Variants in USH1C observed in about 807,000 individuals in gnomAD.
The protein encoded by USH1C is USH1 protein network component harmonin.
USH1C carries 90 observed loss-of-function variants against 119.3 expected under a neutral mutation model. The observed-to-expected ratio is 0.75, with a 90% CI of 0.64 to 0.90. The LOEUF (loss-of-function observed/expected upper bound fraction) is 0.90. Ranked by LOEUF, USH1C falls within the 40% of genes least tolerant of loss-of-function variation. The pLI, the probability that USH1C is intolerant of heterozygous loss-of-function variation, is 0.00. For synonymous variants in USH1C, 465 were observed against 443.3 expected, an observed-to-expected ratio of 1.05 and a Z score of -0.62; for missense variants, 1,165 against 1,167.7, an observed-to-expected ratio of 1.00 and a Z score of 0.03.
chr11:17,512,019 G>C lies in USH1C; in HGVS notation c.1296C>G (p.Ser432Arg), dbSNP rs765926850. Residue 432 changes from serine (S) to arginine (R), a missense_variant, in exon 16 of 27, where the codon AGC (serine) becomes AGG (arginine). By Grantham distance (110) the Ser-to-Arg change is moderately radical (BLOSUM62 -1). Transcript: ENST00000005226. Reference protein sequence around the residue: ...GKDKKKAKYGSLQDLRKNKKE... With the variant: ...GKDKKKAKYGRLQDLRKNKKE... ...TCTTATTCTTTCTCAAGTCCTGCAG[G>C]CTGCCATACTTGGCTTTCTTCTTAT... 6.2e-7 allele frequency: 1 copy of C among 1,614,162 alleles called. No individual in the cohort carries two copies. The highest frequency in any genetic ancestry group is 1.7e-5 in the Admixed American group (1 of 60,014).
At chr11:17,502,111 G>A in intron 20 of USH1C, 131 bp from the exon 21 acceptor site, 1 of 891,246 alleles carries the variant, frequency 1.1e-6, no homozygotes. Flanking sequence ...GGCACGGCCA[G>A]GGTACGGGAT....
chr11:17,533,363 A>ACCCCCC, intron 1 of USH1C, 41 bp from the exon 2 acceptor site: 1 of 1,370,282 alleles, frequency 7.3e-7, no homozygotes. Flanking sequence ...CAGGCTCAGC[A>ACCCCCC]CCCGCCCCCA....
intron 1 of USH1C, among the ~76,000 whole-genome samples, chr11:17,536,487 C>T (rs554535734): frequency 9.2e-5 from 14 of 152,194 alleles, no homozygotes; most frequent in Non-Finnish European, 1.2e-4. Flanking sequence ...GCACAGATCA[C>T]TTGGAGATGG....
At chr11:17,529,297 GA>G (rs201098870) in intron 4 of USH1C, among the ~76,000 whole-genome samples, 1 of 150,888 alleles carries the variant, frequency 6.6e-6, no homozygotes, top group Non-Finnish European at 1.5e-5. Context: ...TATTCTTGGG[GA>G]AAAAAAAACA....
At chr11:17,508,068 G>A (rs1297748837) in intron 18 of USH1C, among the ~76,000 whole-genome samples, 1 of 152,204 alleles carries the variant, frequency 6.6e-6, no homozygotes, top group Non-Finnish European at 1.5e-5. Context: ...GAGGCCCCAG[G>A]CAGGTACTCA....
Position 17,501,480 on chromosome 11 carries a change from A to G in USH1C, c.2280+2T>C, listed in dbSNP as rs1554954681. On this transcript the variant is annotated splice_donor_variant, in intron 22 of 26. Transcript: ENST00000005226. LOFTEE classifies it high-confidence loss of function. ...CCCACCGGCCTCCACATGCCCAGGTACCTTCTTGATGCGTAGGAGCCGGAC... is the reference window on the plus strand; with the variant it reads ...CCCACCGGCCTCCACATGCCCAGGTGCCTTCTTGATGCGTAGGAGCCGGAC... 2 of 1,612,884 alleles carry G rather than the reference A, an allele frequency of 1.2e-6. No homozygotes were observed. The highest frequency in any genetic ancestry group is 1.1e-5 in the South Asian group (1 of 90,692).
chr11:17,526,727 C>T (rs1850694286), intron 7 of USH1C, 26 bp downstream of exon 7: 1 of 1,612,634 alleles, frequency 6.2e-7, no homozygotes, highest in Non-Finnish European at 8.5e-7. Context: ...CCACCCAAAC[C>T]CCATCACAGG....
intron 23 of USH1C, among the ~76,000 whole-genome samples, chr11:17,499,510 GACCCAGGAGAGTC>G (rs993112789): frequency 6.6e-6 from 1 of 152,200 alleles, no homozygotes; most frequent in East Asian, 1.9e-4. Flanking sequence ...AAGTGGGAAG[GACCCAGGAGAGTC>G]ACCCATCCAT....
At chr11:17,541,093 T>C (rs1851448046) in intron 1 of USH1C, among the ~76,000 whole-genome samples, 2 of 152,208 alleles carry the variant, frequency 1.3e-5, no homozygotes, top group East Asian at 3.9e-4. Flanking sequence ...CATGTATCTC[T>C]GTGGCTCCTT....
At chr11:17,502,444 A>G (rs938565568) in intron 20 of USH1C, among the ~76,000 whole-genome samples, 1 of 152,202 alleles carries the variant, frequency 6.6e-6, no homozygotes, top group Non-Finnish European at 1.5e-5. Context: ...ATCCAGCTCA[A>G]GAGAAGGCTG....
intron 15 of USH1C, among the ~76,000 whole-genome samples, chr11:17,514,895 C>G (rs1850069635): frequency 6.7e-6 from 1 of 149,626 alleles, no homozygotes; most frequent in Admixed American, 6.7e-5. Flanking sequence ...AACCCTATTT[C>G]TTTATCAACA....
At chr11:17,529,581 G>T (rs552383662) in intron 4 of USH1C, among the ~76,000 whole-genome samples, 1 of 152,246 alleles carries the variant, frequency 6.6e-6, no homozygotes, top group African/African-American at 2.4e-5. Context: ...TCTGAGTAAA[G>T]TTCCCTGTCT....
intron 4 of USH1C, among the ~76,000 whole-genome samples, chr11:17,530,422 G>T (rs938954244): frequency 6.6e-6 from 1 of 152,178 alleles, no homozygotes; most frequent in African/African-American, 2.4e-5. Context: ...CCACTTACTG[G>T]CCTCTGAGCC....
intron 1 of USH1C, among the ~76,000 whole-genome samples, chr11:17,543,872 TCA>T (rs910619025): frequency 4.6e-5 from 7 of 152,186 alleles, no homozygotes; most frequent in East Asian, 1.9e-4. Flanking sequence ...CCCTCACCTC[TCA>T]GATACTGCCC....
chr11:17,494,123 G>T lies in USH1C; in HGVS notation c.*209C>A. On this transcript the variant is annotated 3_prime_UTR_variant, in exon 27 of 27. Transcript: ENST00000005226. ...GATCCTTGAGATCTTCTCCCAAATGGCTGGCTGCTCCCTTTCCTCCACGTT... is the reference window on the plus strand; with the variant it reads ...GATCCTTGAGATCTTCTCCCAAATGTCTGGCTGCTCCCTTTCCTCCACGTT... 1.6e-6 allele frequency: 1 copy of T among 616,256 alleles called. No homozygotes were observed. The highest frequency in any genetic ancestry group is 2.9e-6 in the Non-Finnish European group (1 of 344,016). The allele number at this position is 616,256 out of a possible 1,614,324, so 38.2% of individuals were successfully genotyped here.
intron 18 of USH1C, among the ~76,000 whole-genome samples, chr11:17,508,446 C>T (rs992338098): frequency 6.6e-6 from 1 of 152,190 alleles, no homozygotes; most frequent in East Asian, 1.9e-4. Flanking sequence ...AACCACTGGT[C>T]AGGTGCTATT....
At chr11:17,506,584 C>T (rs1849657343) in intron 18 of USH1C, among the ~76,000 whole-genome samples, 1 of 152,232 alleles carries the variant, frequency 6.6e-6, no homozygotes, top group African/African-American at 2.4e-5. Context: ...CTCTAGCTTC[C>T]TTTTCAGCCT....
chr11:17,499,967 G>A (rs990615016), intron 23 of USH1C, among the ~76,000 whole-genome samples: 1 of 152,158 alleles, frequency 6.6e-6, no homozygotes, highest in Non-Finnish European at 1.5e-5. Flanking sequence ...GAGGCCTGGG[G>A]CTCCTCCTCC....
In USH1C at chr11:17,509,841, G is replaced by T; in HGVS notation, c.1531-3C>A. 6.3e-7 allele frequency: 1 copy of T among 1,591,188 alleles called. No homozygotes were observed. Among genetic ancestry groups the T allele is most frequent in the Non-Finnish European group, 8.5e-7 (1 of 1,174,986 alleles). ...GGAGGCGGGGGCCCTGTGGTCATCT[G>T]GGGGTGTTGCAAGGAAGTTCTGTAA... On this transcript the variant is annotated splice_polypyrimidine_tract_variant and splice_region_variant and intron_variant, in intron 17 of 26. Coordinates refer to ENST00000005226, the MANE Select transcript of USH1C (RefSeq NM_153676.4).
Sources: allele counts gnomAD v4.1 joint callset (sites outside exome capture counted in the v4.1 genomes callset), GRCh38; gene constraint gnomAD v4.1.1; transcripts MANE v1.5; gene names NCBI Gene and HGNC (gene_info 2026-07-23, HGNC 2026-07-21).